The following DNTTIP1 variants were observed in gnomAD, a reference collection of about 807,000 sequenced individuals.
The protein encoded by DNTTIP1 is deoxynucleotidyltransferase terminal interacting protein 1, also known as deoxynucleotidyltransferase terminal-interacting protein 1.
A neutral mutation model predicts 52.9 loss-of-function variants in DNTTIP1; 22 were observed. The ratio of observed to expected loss-of-function variants is 0.42; its 90% CI spans 0.30 to 0.59. DNTTIP1 has a LOEUF of 0.59. Among genes scored for constraint, DNTTIP1 ranks in the 20% least tolerant of loss-of-function variants. The pLI is 0.22. For synonymous variants in DNTTIP1, 136 were observed against 155.1 expected (o/e 0.88, Z 0.92); for missense variants, 286 against 435.5 (o/e 0.66, Z 3.06).
intron 7 of DNTTIP1, 126 bp downstream of exon 7, chr20:45,802,183 G>C: frequency 1.9e-6 from 2 of 1,050,406 alleles, no homozygotes; most frequent in East Asian, 4.9e-5. Flanking sequence ...CATCGTGGAG[G>C]GGGGTTATCC....
Position 45,809,086 on chromosome 20 carries a change from A to C in DNTTIP1, c.724-28A>C. 1 of 1,608,708 alleles carries C rather than the reference A, an allele frequency of 6.2e-7. No homozygotes were observed. The highest frequency in any genetic ancestry group is 1.1e-5 in the South Asian group (1 of 90,986). On this transcript the variant is annotated intron_variant, in intron 10 of 12. Coordinates refer to ENST00000372622, the MANE Select transcript of DNTTIP1 (RefSeq NM_052951.3). The surrounding 1 kb of genome is among the most constrained non-coding windows in gnomAD (Gnocchi z 4.2). ...TGAGAAAAGCCCCTTACCCGAGGCTAATTTTCTTACAACTTCATTCCTTAC... is the reference window on the plus strand; with the variant it reads ...TGAGAAAAGCCCCTTACCCGAGGCTCATTTTCTTACAACTTCATTCCTTAC...
intron 4 of DNTTIP1, among the ~76,000 whole-genome samples, chr20:45,795,869 A>G (rs1981222633): frequency 6.6e-6 from 1 of 152,212 alleles, no homozygotes; most frequent in South Asian, 2.1e-4. Context: ...CAAGCCACAT[A>G]TTGAGATAGG....
At chr20:45,808,468 C>T (rs1040460842) in intron 10 of DNTTIP1, among the ~76,000 whole-genome samples, 6 of 152,126 alleles carry the variant, frequency 3.9e-5, no homozygotes, top group Non-Finnish European at 5.9e-5. Context: ...TGGAGAAATC[C>T]CATCTCTACT....
intron 6 of DNTTIP1, among the ~76,000 whole-genome samples, chr20:45,801,708 A>G (rs1462788972): frequency 1.3e-5 from 2 of 152,168 alleles, no homozygotes; most frequent in Non-Finnish European, 2.9e-5. Context: ...GGATCACCTG[A>G]GCCCAGGAGT....
intron 4 of DNTTIP1, chr20:45,796,615 C>T: frequency 1.1e-5 from 5 of 464,294 alleles, no homozygotes; most frequent in South Asian, 7.8e-5. Context: ...GTGTCAGCTG[C>T]TGTTATTAGG....
In DNTTIP1 at chr20:45,795,462, A is replaced by G. The variant is rs1396433108; in HGVS notation, c.372+19A>G. ...GGAGCAGGTGAGACCAAAGGGGACA[A>G]GAGATGCAGGCACAAGGTTTAGCTC... On this transcript the variant is annotated intron_variant, in intron 4 of 12. Transcript: ENST00000372622. 3 of 1,503,248 alleles carry G rather than the reference A, an allele frequency of 2.0e-6. No individual in the cohort carries two copies. The African/African-American group carries it at 4.1e-5, about 21-fold the overall frequency. The allele number at this position is 1,503,248 out of a possible 1,614,324, so 93.1% of individuals were successfully genotyped here.
intron 2 of DNTTIP1, among the ~76,000 whole-genome samples, chr20:45,793,070 G>GAGTC (rs1175421513): frequency 2.6e-5 from 4 of 152,174 alleles, no homozygotes; most frequent in African/African-American, 7.2e-5. Context: ...ACAGGCTCTG[G>GAGTC]AGTCAGACAA....
At chr20:45,793,893 C>G (rs373752354) in intron 2 of DNTTIP1, 28 bp from the exon 3 acceptor site, 2 of 1,474,320 alleles carry the variant, frequency 1.4e-6, no homozygotes, top group Non-Finnish European at 1.9e-6. Context: ...GGACATGCCC[C>G]CTCACCCTGT....
rs753172412 is a variant in DNTTIP1, at chr20:45,791,965, G to T, written c.-40G>T. The T allele has an allele frequency of 8.3e-7, 1 of 1,202,154 alleles. No individual in the cohort carries two copies. Among genetic ancestry groups the T allele is most frequent in the Non-Finnish European group, 1.0e-6 (1 of 957,282 alleles). 74.5% of individuals were successfully genotyped at this position (1,202,154 alleles called of 1,614,324 possible). On this transcript the variant is annotated 5_prime_UTR_variant, in exon 1 of 13. Transcript: ENST00000372622. ...GACGTCACGGCGCCACTTTCCGGCC[G>T]GTGACAGAGTCCAGCGGAGTTGTGG...
chr20:45,806,355 C>CAAAAAAAAAAA (rs3080098), intron 10 of DNTTIP1, among the ~76,000 whole-genome samples: 1 of 131,750 alleles, frequency 7.6e-6, no homozygotes, highest in Non-Finnish European at 1.6e-5. Context: ...AACTCCATCT[C>CAAAAAAAAAAA]AAAAAAAAAA....
intron 2 of DNTTIP1, among the ~76,000 whole-genome samples, chr20:45,793,487 G>T (rs1837941870): frequency 6.6e-6 from 1 of 152,136 alleles, no homozygotes; most frequent in Admixed American, 6.5e-5. Flanking sequence ...ATCACCTGAG[G>T]TTGGGAGTTC....
intron 10 of DNTTIP1, among the ~76,000 whole-genome samples, chr20:45,808,111 CTGAG>C (rs1981708360): frequency 6.6e-6 from 1 of 152,064 alleles, no homozygotes; most frequent in Admixed American, 6.5e-5. Context: ...CTTTGGGAGA[CTGAG>C]TGGGTGGATC....
At chr20:45,795,513 C>A in intron 4 of DNTTIP1, 70 bp downstream of exon 4, 1 of 997,800 alleles carries the variant, frequency 1.0e-6, no homozygotes, top group Non-Finnish European at 1.5e-6. Context: ...GAAATGCGAT[C>A]TTAAGCCGGA....
chr20:45,811,249 C>T lies in DNTTIP1; in HGVS notation c.*54C>T, dbSNP rs1311860490. 20 of 1,553,890 alleles carry T rather than the reference C, an allele frequency of 1.3e-5. No individual in the cohort carries two copies. Among genetic ancestry groups the T allele is most frequent in the South Asian group, 7.5e-5 (6 of 80,312 alleles). On this transcript the variant is annotated 3_prime_UTR_variant, in exon 13 of 13. Coordinates refer to ENST00000372622, the MANE Select transcript of DNTTIP1 (RefSeq NM_052951.3). The stretch of plus-strand genomic sequence containing the variant: ...CCCTCCTCCAAAGCCCTCTTCCTCA[C>T]GTGGCTGAGGCCACCGCTGGGACTG...
At chr20:45,800,976 A>G in intron 4 of DNTTIP1, 98 bp from the exon 5 acceptor site, 1 of 1,020,596 alleles carries the variant, frequency 9.8e-7, no homozygotes, top group African/African-American at 1.7e-5. Context: ...CCTGAGCAAC[A>G]GAGCAAGACT....
At chr20:45,807,247 G>A (rs538783167) in intron 10 of DNTTIP1, among the ~76,000 whole-genome samples, 5 of 151,786 alleles carry the variant, frequency 3.3e-5, no homozygotes, top group Non-Finnish European at 7.4e-5. Flanking sequence ...TCAGCCTCCC[G>A]AGTAGCTGGG....
chr20:45,805,014 C>G, intron 8 of DNTTIP1, 132 bp from the exon 9 acceptor site: 1 of 795,896 alleles, frequency 1.3e-6, no homozygotes, highest in East Asian at 2.4e-5. Context: ...TGTGAGTACT[C>G]AGTGTCTTGG....
intron 4 of DNTTIP1, among the ~76,000 whole-genome samples, chr20:45,800,694 AAT>A (rs1158615012): frequency 4.3e-4 from 7 of 16,408 alleles, no homozygotes; most frequent in Admixed American, 1.0e-3. Context: ...AAAAAAAAAA[AAT>A]ATATATATAT....
chr20:45,801,030 C>T, intron 4 of DNTTIP1, 44 bp from the exon 5 acceptor site: 1 of 1,563,952 alleles, frequency 6.4e-7, no homozygotes. Context: ...GTGTGCTTAC[C>T]CACCAAAATA....
Sources: allele counts gnomAD v4.1 joint callset (sites outside exome capture counted in the v4.1 genomes callset), GRCh38; gene constraint gnomAD v4.1.1; non-coding constraint Gnocchi (gnomAD v3.1); transcripts MANE v1.5; gene names NCBI Gene and HGNC (gene_info 2026-07-23, HGNC 2026-07-21).